Variants in EFCAB6 observed in about 807,000 individuals in gnomAD.
EFCAB6 encodes EF-hand calcium-binding domain-containing protein 6.
A neutral mutation model predicts 169.8 loss-of-function variants in EFCAB6; 156 were observed. The ratio of observed to expected loss-of-function variants is 0.92; its 90% confidence interval spans 0.81 to 1.05. EFCAB6 has a LOEUF of 1.05. Among genes scored for constraint, EFCAB6 ranks in the 50% least tolerant of loss-of-function variants. The probability of loss-of-function intolerance (pLI) is 0.00; values close to 1 mark genes in which losing one functional copy is unlikely to be tolerated. For synonymous variants in EFCAB6, 698 were observed against 676.4 expected (o/e 1.03, Z -0.50); for missense variants, 1,800 against 1,829.1 (o/e 0.98, Z 0.29).
intron 8 of EFCAB6, among the ~76,000 whole-genome samples, chr22:43,725,519 G>A (rs5764250): frequency 0.76 from 115,718 of 152,134 alleles, 44,154 homozygotes; most frequent in East Asian, 0.87. Context: ...TCATGACTCA[G>A]TCACCTCTTA....
chr22:43,658,898 A>G (rs187132582), intron 17 of EFCAB6, among the ~76,000 whole-genome samples: 2 of 152,290 alleles, frequency 1.3e-5, no homozygotes, highest in Non-Finnish European at 2.9e-5. Flanking sequence ...CTCCTCCCCC[A>G]ACACACACCA....
intron 27 of EFCAB6, among the ~76,000 whole-genome samples, chr22:43,549,378 G>C (rs866273248): frequency 6.6e-6 from 1 of 152,114 alleles, no homozygotes; most frequent in Non-Finnish European, 1.5e-5. Flanking sequence ...AGATTCAGCA[G>C]AGATTAAAAA....
At chr22:43,724,360 CTTTTTTCTTTTTTTT>C (rs2059643920) in intron 8 of EFCAB6, among the ~76,000 whole-genome samples, 1 of 129,010 alleles carries the variant, frequency 7.8e-6, no homozygotes, top group African/African-American at 2.9e-5. Context: ...GTCAATATTT[CTTTTTTCTTTTTTTT>C]TTTTTTTTTT....
intron 21 of EFCAB6, 85 bp from the exon 22 acceptor site, chr22:43,608,685 A>T: frequency 7.7e-7 from 1 of 1,293,728 alleles, no homozygotes; most frequent in Non-Finnish European, 1.1e-6. Flanking sequence ...AATATGTGGG[A>T]AACTCTAAGG....
intron 17 of EFCAB6, among the ~76,000 whole-genome samples, chr22:43,649,925 T>C (rs2056383381): frequency 6.6e-6 from 1 of 152,176 alleles, no homozygotes; most frequent in Non-Finnish European, 1.5e-5. Context: ...CTCATGAAAC[T>C]GGAGACAACA....
chr22:43,753,227 T>C (rs1238233216), intron 6 of EFCAB6, among the ~76,000 whole-genome samples: 1 of 151,948 alleles, frequency 6.6e-6, no homozygotes, highest in East Asian at 1.9e-4. Flanking sequence ...ACCAGCAAAC[T>C]CAACAGCCAG....
intron 13 of EFCAB6, among the ~76,000 whole-genome samples, chr22:43,676,290 G>A (rs180918306): frequency 5.3e-5 from 8 of 151,670 alleles, no homozygotes; most frequent in South Asian, 2.1e-4. Context: ...GGTGGTAGGC[G>A]CCTATAGTCC....
intron 3 of EFCAB6, among the ~76,000 whole-genome samples, chr22:43,779,201 A>G (rs539909690): frequency 9.8e-5 from 15 of 152,362 alleles, no homozygotes; most frequent in African/African-American, 3.6e-4. Flanking sequence ...TACATGCTAG[A>G]AAAAAGAACT....
intron 2 of EFCAB6, among the ~76,000 whole-genome samples, chr22:43,800,300 C>T (rs1182793067): frequency 6.6e-6 from 1 of 152,156 alleles, no homozygotes; most frequent in African/African-American, 2.4e-5. Context: ...CCAACAACTA[C>T]AGCGGAAAAG....
At chr22:43,730,863 G>T (rs1317396151) in intron 8 of EFCAB6, among the ~76,000 whole-genome samples, 3 of 152,164 alleles carry the variant, frequency 2.0e-5, no homozygotes, top group Non-Finnish European at 4.4e-5. Flanking sequence ...GTGGAACCAG[G>T]CTAAAACCTG....
intron 23 of EFCAB6, among the ~76,000 whole-genome samples, chr22:43,597,841 C>T (rs2052138348): frequency 6.6e-6 from 1 of 152,174 alleles, no homozygotes; most frequent in African/African-American, 2.4e-5. Context: ...TGTCCATCAA[C>T]AGATTAATAA....
In EFCAB6 at chr22:43,608,514, G is replaced by A; in HGVS notation, c.2649C>T (p.Leu883=). The change falls in exon 22 of 32, where the codon CTC becomes CTT. Residue 883 remains leucine (L), a synonymous_variant. Transcript: ENST00000262726. ...KNALYGFDIP[L]TPREFEKLWA... is the part of the protein sequence containing the mutation. Reference sequence around the variant, plus strand: ...AAAGCTTTTCAAACTCTCTTGGTGTGAGGGGAATATCAAAACCGTACAGTG... The same window carrying A: ...AAAGCTTTTCAAACTCTCTTGGTGTAAGGGGAATATCAAAACCGTACAGTG... The A allele has an allele frequency of 1.2e-6, 2 of 1,614,184 alleles. No homozygotes were observed. The highest frequency in any genetic ancestry group is 8.5e-7 in the Non-Finnish European group (1 of 1,180,036).
At chr22:43,739,418 G>A (rs2060287599) in intron 6 of EFCAB6, among the ~76,000 whole-genome samples, 1 of 151,786 alleles carries the variant, frequency 6.6e-6, no homozygotes, top group Non-Finnish European at 1.5e-5. Context: ...CTCTAAGCCT[G>A]GAGCATTTTA....
At chr22:43,588,315 G>C (rs1209296697) in intron 24 of EFCAB6, among the ~76,000 whole-genome samples, 1 of 152,174 alleles carries the variant, frequency 6.6e-6, no homozygotes, top group African/African-American at 2.4e-5. Context: ...ACACTGAGGA[G>C]AGACTTATCT....
intron 10 of EFCAB6, among the ~76,000 whole-genome samples, chr22:43,696,988 G>A (rs2058599259): frequency 6.6e-6 from 1 of 152,064 alleles, no homozygotes; most frequent in Non-Finnish European, 1.5e-5. Context: ...AATGGACAAA[G>A]GACATAAACA....
intron 11 of EFCAB6, among the ~76,000 whole-genome samples, chr22:43,684,389 C>T (rs927570414): frequency 6.6e-6 from 1 of 152,096 alleles, no homozygotes; most frequent in African/African-American, 2.4e-5. Context: ...GCTCGGGGCC[C>T]GTCAGTGTAC....
chr22:43,616,755 G>A (rs2053716765), intron 20 of EFCAB6, among the ~76,000 whole-genome samples: 1 of 152,204 alleles, frequency 6.6e-6, no homozygotes. Context: ...TCCCTGCTAG[G>A]CCACAGTAAA....
chr22:43,802,793 A>G (rs1290173013), intron 2 of EFCAB6: 9 of 503,120 alleles, frequency 1.8e-5, no homozygotes, highest in Non-Finnish European at 3.5e-5. Context: ...GTGCATTTTT[A>G]ATAACTGTGT....
At position 43,539,863 on chromosome 22, in the gene EFCAB6, T is replaced by C. The variant is rs908687743; in HGVS notation, c.3879+264A>G. ...GGACAGGTGCCTCCCGCCCTGCCTC[T>C]CGCTCCCTTTCCCACCTTGCACCCG... On this transcript the variant is annotated intron_variant, in intron 28 of 31. Transcript: ENST00000262726. 3.3e-5 allele frequency among the ~76,000 whole-genome samples: 5 copies of C among 152,184 alleles called. No individual in the cohort carries two copies. In the South Asian group the frequency reaches 6.2e-4, roughly 19 times the overall value.
Sources: allele counts gnomAD v4.1 joint callset (sites outside exome capture counted in the v4.1 genomes callset), GRCh38; gene constraint gnomAD v4.1.1; transcripts MANE v1.5; gene names NCBI Gene and HGNC (gene_info 2026-07-23, HGNC 2026-07-21).